Variants in SLC25A28 observed in about 807,000 individuals in gnomAD.
SLC25A28 encodes the protein mitoferrin-2.
Under a neutral mutation model 31.9 loss-of-function variants are expected in SLC25A28, and 10 were observed. That is an observed-to-expected ratio of 0.31 (90% CI 0.19 to 0.53). The LOEUF (loss-of-function observed/expected upper bound fraction) is 0.53. Among genes scored for constraint, SLC25A28 ranks in the 20% least tolerant of loss-of-function variants. SLC25A28 has a pLI of 0.95. For missense variants in SLC25A28, 256 were observed against 490.3 expected (o/e 0.52, Z 4.51); for synonymous variants, 208 against 203.6 (o/e 1.02, Z -0.19).
the SLC25A28 span, among the ~76,000 whole-genome samples, chr10:99,629,095 C>T: frequency 3.3e-5 from 5 of 152,136 alleles, no homozygotes; most frequent in Admixed American, 3.3e-4. Context: ...TCCAGTGTTC[C>T]AGGTGGGCCT....
the SLC25A28 span, among the ~76,000 whole-genome samples, chr10:99,649,787 C>A: frequency 4.1e-4 from 62 of 152,254 alleles, 1 homozygote; most frequent in African/African-American, 1.4e-3. Context: ...TTTTGTATTT[C>A]TGTGGTATCA....
At chr10:99,656,109 G>A in the SLC25A28 span, among the ~76,000 whole-genome samples, 2 of 152,018 alleles carry the variant, frequency 1.3e-5, no homozygotes, top group South Asian at 2.1e-4. Context: ...ACTATATCTC[G>A]TCAGAATAAG....
chr10:99,622,794 A>T (rs2034820438), upstream of SLC25A28: 1 of 638,902 alleles, frequency 1.6e-6, no homozygotes, highest in African/African-American at 2.0e-5. Flanking sequence ...AGTTGTCCTC[A>T]TTGGAACCCT....
the SLC25A28 span, among the ~76,000 whole-genome samples, chr10:99,649,495 T>C: frequency 1.3e-5 from 2 of 152,214 alleles, no homozygotes; most frequent in African/African-American, 4.8e-5. Flanking sequence ...TCCCTCTTCC[T>C]CTATTTTCTG....
chr10:99,635,234 T>G, the SLC25A28 span, among the ~76,000 whole-genome samples: 4 of 152,080 alleles, frequency 2.6e-5, no homozygotes, highest in Admixed American at 2.6e-4. Flanking sequence ...AACAAAAATA[T>G]TAGTTAAAAG....
chr10:99,620,011 C>A, intron 1 of SLC25A28, 34 bp downstream of exon 1: 1 of 1,548,602 alleles, frequency 6.5e-7, no homozygotes, highest in Non-Finnish European at 8.7e-7. Context: ...CGGGTCAGCC[C>A]CAGGTCGGGT....
At chr10:99,648,214 G>A in the SLC25A28 span, among the ~76,000 whole-genome samples, 1 of 150,492 alleles carries the variant, frequency 6.6e-6, no homozygotes, top group Non-Finnish European at 1.5e-5. Flanking sequence ...TGACCAGGCT[G>A]GTCTCCAACT....
chr10:99,610,960 C>T lies in SLC25A28; in HGVS notation c.984G>A (p.Val328=). The T allele has an allele frequency of 1.9e-6, 3 of 1,614,226 alleles. No homozygotes were observed. The highest frequency in any genetic ancestry group is 1.3e-5 in the African/African-American group (1 of 75,068). ...VGGVTAYFRG[V]QARVIYQIPS... The stretch of plus-strand genomic sequence containing the variant: ...GGATCTGGTAAATTACTCTGGCCTG[C>T]ACCCCTCGGAAATAGGCGGTCACCC... Residue 328 remains valine (V), a synonymous_variant, in exon 4 of 4, where the codon GTG becomes GTA. Coordinates refer to ENST00000370495, the MANE Select transcript of SLC25A28 (RefSeq NM_031212.4).
In SLC25A28 at chr10:99,620,184, G is replaced by A; in HGVS notation, c.152C>T (p.Pro51Leu). The change falls in exon 1 of 4, where the codon CCC becomes CTC. Residue 51 changes from proline (P) to leucine (L), a missense_variant. Physicochemically the swap from Pro to Leu is moderately conservative, Grantham distance 98. Around this residue, in one of 4 missense-constraint regions of SLC25A28, gnomAD observed 41 missense variants for 41.7 expected, o/e 0.98. Coordinates refer to ENST00000370495, the MANE Select transcript of SLC25A28 (RefSeq NM_031212.4). Reference protein sequence around the residue: ...AGGGEAGACRPPVRQDPDSGP... With the variant: ...AGGGEAGACRLPVRQDPDSGP... ...GGAGTCCGGATCTTGTCGTACCGGG[G>A]GCCTGCAGGCCCCGGCCTCCCCGCC... 6.7e-7 allele frequency: 1 copy of A among 1,498,386 alleles called. No individual in the cohort carries two copies. Among genetic ancestry groups the A allele is most frequent in the Admixed American group, 2.1e-5 (1 of 47,482 alleles). 92.8% of individuals were successfully genotyped at this position (1,498,386 alleles called of 1,614,324 possible). A position where few individuals can be genotyped will look rare whatever the true frequency, so the allele number is the denominator to read the frequency against.
chr10:99,642,551 C>T, the SLC25A28 span, among the ~76,000 whole-genome samples: 1 of 152,040 alleles, frequency 6.6e-6, no homozygotes, highest in Non-Finnish European at 1.5e-5. Context: ...TAATTGAATA[C>T]CCTTTATTTT....
At chr10:99,627,132 T>C in the SLC25A28 span, among the ~76,000 whole-genome samples, 2 of 152,022 alleles carry the variant, frequency 1.3e-5, no homozygotes, top group African/African-American at 2.4e-5. Flanking sequence ...TCCCAGCTAC[T>C]TGGGAGGCTG....
chr10:99,616,924 C>A (rs560336352), intron 1 of SLC25A28: 2 of 977,850 alleles, frequency 2.0e-6, no homozygotes, highest in African/African-American at 3.5e-5. Flanking sequence ...GTGCTTGGCA[C>A]ACAAGATCAC....
rs759929106 is a variant in SLC25A28 at position 99,611,230 on chromosome 10, G to A, written c.714C>T (p.Phe238=). 6.2e-7 allele frequency: 1 copy of A among 1,614,156 alleles called. No individual in the cohort carries two copies. Among genetic ancestry groups the A allele is most frequent in the Non-Finnish European group, 8.5e-7 (1 of 1,180,042 alleles). Reference sequence around the variant, plus strand: ...CATAGGTCATGAAGTGAATGGCTTGGAAAGGAACGTTCATGGTCAGCTGGG... The same window carrying A: ...CATAGGTCATGAAGTGAATGGCTTGAAAAGGAACGTTCATGGTCAGCTGGG... The part of the protein sequence containing the change: ...YTTQLTMNVP[F]QAIHFMTYEF... The change falls in exon 4 of 4, where the codon TTC becomes TTT. Residue 238 remains phenylalanine, a synonymous_variant. Coordinates refer to ENST00000370495, the MANE Select transcript of SLC25A28 (RefSeq NM_031212.4). The surrounding 1 kb of genome is among the most constrained non-coding windows in gnomAD (Gnocchi z 5.5).
rs1039858506 is a variant in SLC25A28, at chr10:99,615,726, CGGGTCATATGCTGG to C, written c.292-1816_292-1803del. ...TCAGAAGAGTTGTTCATAGAGACTACGGGTCATATGCTGGCTAGAGCTACTAATAAGCAAAGATA... is the reference window on the plus strand; with the variant it reads ...TCAGAAGAGTTGTTCATAGAGACTACCTAGAGCTACTAATAAGCAAAGATA... On this transcript the variant is annotated intron_variant, in intron 1 of 3. Coordinates refer to ENST00000370495, the MANE Select transcript of SLC25A28 (RefSeq NM_031212.4). The C allele has an allele frequency of 9.4e-5, 93 of 985,342 alleles. No homozygotes were observed. The African/African-American group carries it at 1.5e-3, about 16-fold the overall frequency. The allele number at this position is 985,342 out of a possible 1,614,324, so 61.0% of individuals were successfully genotyped here.
chr10:99,648,031 A>T, the SLC25A28 span, among the ~76,000 whole-genome samples: 1 of 150,190 alleles, frequency 6.7e-6, no homozygotes, highest in Non-Finnish European at 1.5e-5. Context: ...AGAAAGTCTC[A>T]CTTTGTCACC....
chr10:99,645,258 T>G, the SLC25A28 span, among the ~76,000 whole-genome samples: 12 of 152,230 alleles, frequency 7.9e-5, no homozygotes, highest in African/African-American at 2.9e-4. Flanking sequence ...AGTGGCTTTT[T>G]ACTCTTTTTT....
the SLC25A28 span, among the ~76,000 whole-genome samples, chr10:99,631,866 G>T: frequency 2.0e-5 from 3 of 147,432 alleles, no homozygotes; most frequent in Admixed American, 6.8e-5. Flanking sequence ...TACTGAACAC[G>T]CTCAGTATGT....
chr10:99,628,146 T>G, the SLC25A28 span, among the ~76,000 whole-genome samples: 1 of 152,220 alleles, frequency 6.6e-6, no homozygotes, highest in African/African-American at 2.4e-5. Flanking sequence ...ATGGCAAGGT[T>G]TGTGGCCTAT....
At chr10:99,650,377 A>T in the SLC25A28 span, among the ~76,000 whole-genome samples, 1 of 152,102 alleles carries the variant, frequency 6.6e-6, no homozygotes, top group Non-Finnish European at 1.5e-5. Context: ...ATTGGGTCTT[A>T]CTATGTTGTC....
Sources: gnomAD v4.1 joint callset for allele counts (sites outside exome capture counted in the v4.1 genomes callset) on GRCh38, gnomAD v4.1.1 for gene constraint, gnomAD v4.1.1 regional missense constraint, Gnocchi (gnomAD v3.1) non-coding constraint, MANE v1.5 for transcripts, NCBI Gene and HGNC (gene_info 2026-07-23, HGNC 2026-07-21) for gene names.